NAA16: variants seen among roughly 807,000 people sequenced by gnomAD.
NAA16 encodes NARG1-like protein.
A neutral mutation model predicts 110.3 loss-of-function variants in NAA16; 97 were observed. The observed-to-expected ratio is 0.88, with a 90% CI of 0.75 to 1.04. The LOEUF is 1.04. NAA16 is among the 50% of genes least tolerant of loss of function. NAA16 has a pLI of 0.00. For synonymous variants in NAA16, 372 were observed against 330.6 expected, an observed-to-expected ratio of 1.13 and a Z score of -1.36; for missense variants, 1,017 against 1,005.1, an observed-to-expected ratio of 1.01 and a Z score of -0.16.
At chr13:41,348,819 A>C (rs1038633439) in intron 9 of NAA16, among the ~76,000 whole-genome samples, 1 of 152,104 alleles carries the variant, frequency 6.6e-6, no homozygotes, top group Non-Finnish European at 1.5e-5. Flanking sequence ...TATGTATTCA[A>C]ACTCTTCATT....
At chr13:41,363,114 C>T (rs2043145715) in intron 13 of NAA16, among the ~76,000 whole-genome samples, 2 of 151,892 alleles carry the variant, frequency 1.3e-5, no homozygotes, top group Admixed American at 6.6e-5. Flanking sequence ...GGAAAATCCT[C>T]CTCATCTTCT....
rs760583080 is a variant in NAA16, at chr13:41,311,564, C to T, written c.36C>T (p.Asn12=). 1.1e-5 allele frequency: 17 copies of T among 1,608,630 alleles called. No individual in the cohort carries two copies. The highest frequency in any genetic ancestry group is 8.0e-5 in the African/African-American group (6 of 74,800). ...PNVLLPPKES[N]LFKRILKCYE... ...TGCTGCTGCCGCCCAAGGAGAGCAACCTCTTCAAACGCATCTTGGTGAGTG... is the reference window on the plus strand; with the variant it reads ...TGCTGCTGCCGCCCAAGGAGAGCAATCTCTTCAAACGCATCTTGGTGAGTG... The change falls in exon 1 of 20, where the codon AAC becomes AAT. Residue 12 remains asparagine (N), a synonymous_variant. Transcript: ENST00000379406.
At chr13:41,347,640 G>A (rs1282049319) in intron 9 of NAA16, among the ~76,000 whole-genome samples, 1 of 151,886 alleles carries the variant, frequency 6.6e-6, no homozygotes, top group Non-Finnish European at 1.5e-5. Context: ...TTTCATTTTT[G>A]GATTATTCTT....
At chr13:41,354,550 T>C (rs1038612219) in intron 9 of NAA16, 1 of 152,200 alleles carries the variant, frequency 6.6e-6, no homozygotes, top group African/African-American at 2.4e-5. Context: ...TGAAGAAATA[T>C]TCCTTTTAAA....
intron 9 of NAA16, among the ~76,000 whole-genome samples, chr13:41,353,243 A>C (rs958016073): frequency 6.6e-6 from 1 of 152,198 alleles, no homozygotes; most frequent in Non-Finnish European, 1.5e-5. Flanking sequence ...CTGAAAAAAA[A>C]TTATTTGCCT....
intron 3 of NAA16, among the ~76,000 whole-genome samples, chr13:41,319,157 G>A (rs568477858): frequency 2.0e-5 from 3 of 152,198 alleles, no homozygotes; most frequent in Admixed American, 6.5e-5. Flanking sequence ...ATATTTTAAA[G>A]GAAATCTCTA....
intron 9 of NAA16, among the ~76,000 whole-genome samples, chr13:41,344,132 C>T (rs2139451816): frequency 6.6e-6 from 1 of 152,246 alleles, no homozygotes; most frequent in East Asian, 1.9e-4. Flanking sequence ...ATTTTCTTCT[C>T]ATATTTTCTT....
At chr13:41,343,292 A>G (rs1482678558) in intron 9 of NAA16, among the ~76,000 whole-genome samples, 1 of 151,934 alleles carries the variant, frequency 6.6e-6, no homozygotes, top group African/African-American at 2.4e-5. Flanking sequence ...GTCTTGCTGT[A>G]TTGTTCACGC....
chr13:41,373,865 A>G (rs945509408), intron 18 of NAA16, 85 bp downstream of exon 18: 1 of 1,507,126 alleles, frequency 6.6e-7, no homozygotes, highest in Non-Finnish European at 8.8e-7. Flanking sequence ...TGTAAAGCAA[A>G]TGAACAGTAC....
At chr13:41,312,554 C>T (rs1593386367) in intron 1 of NAA16, among the ~76,000 whole-genome samples, 1 of 151,942 alleles carries the variant, frequency 6.6e-6, no homozygotes, top group East Asian at 1.9e-4. Flanking sequence ...TATCTTTTCA[C>T]CTGAAAAAAA....
At chr13:41,316,975 A>C (rs756694404) in intron 2 of NAA16, 45 bp downstream of exon 2, 2 of 1,311,034 alleles carry the variant, frequency 1.5e-6, no homozygotes, top group Non-Finnish European at 2.2e-6. Flanking sequence ...TCAAATTCTA[A>C]AACCAGGCAT....
intron 9 of NAA16, among the ~76,000 whole-genome samples, chr13:41,351,358 G>C (rs1275264900): frequency 6.6e-6 from 1 of 152,110 alleles, no homozygotes; most frequent in African/African-American, 2.4e-5. Flanking sequence ...GTTTACCTCT[G>C]TAACTAGCCC....
At chr13:41,311,625 TCCTCGGGC>T in intron 1 of NAA16, 43 bp downstream of exon 1, 1 of 1,572,534 alleles carries the variant, frequency 6.4e-7, no homozygotes, top group Non-Finnish European at 8.6e-7. Context: ...GGTCCCCGGG[TCCTCGGGC>T]CTTAAGGGCA....
In NAA16 at chr13:41,328,849, T is replaced by C. The variant is rs1212795924; in HGVS notation, c.811+6T>C. 6.3e-7 allele frequency: 1 copy of C among 1,590,102 alleles called. No individual in the cohort carries two copies. The highest frequency in any genetic ancestry group is 8.6e-7 in the Non-Finnish European group (1 of 1,161,394). On this transcript the variant is annotated splice_donor_region_variant and intron_variant, in intron 7 of 19. Transcript: ENST00000379406. ...GGAAAAAGCTCTACAAATTAGTATG[T>C]AATGATTTTTCTCCTCTTTCTCATA...
At chr13:41,347,224 AAAACAAAAAC>A (rs1488336766) in intron 9 of NAA16, among the ~76,000 whole-genome samples, 1 of 20,070 alleles carries the variant, frequency 5.0e-5, no homozygotes. Flanking sequence ...CAAAAAAAAA[AAAACAAAAAC>A]AAAAACAAAA....
intron 6 of NAA16, among the ~76,000 whole-genome samples, chr13:41,326,302 G>A (rs1457534315): frequency 6.6e-6 from 1 of 152,148 alleles, no homozygotes; most frequent in Non-Finnish European, 1.5e-5. Context: ...AGTTTTAACA[G>A]CATTCATCAA....
chr13:41,352,612 A>T (rs1431014840), intron 9 of NAA16, among the ~76,000 whole-genome samples: 2 of 152,094 alleles, frequency 1.3e-5, no homozygotes. Flanking sequence ...CTGAGATCAC[A>T]CCACTGTACT....
intron 9 of NAA16, among the ~76,000 whole-genome samples, chr13:41,343,999 C>A (rs2042620630): frequency 6.6e-6 from 1 of 152,204 alleles, no homozygotes; most frequent in Non-Finnish European, 1.5e-5. Context: ...TAAGCTTTTA[C>A]TGTGTTGTTA....
chr13:41,353,575 G>C (rs2042898613), intron 9 of NAA16, among the ~76,000 whole-genome samples: 1 of 144,092 alleles, frequency 6.9e-6, no homozygotes. Context: ...GACAAGCCTA[G>C]GCAATGTAGT....
Sources: gnomAD v4.1 joint callset for allele counts (sites outside exome capture counted in the v4.1 genomes callset) on GRCh38, gnomAD v4.1.1 for gene constraint, MANE v1.5 for transcripts, NCBI Gene and HGNC (gene_info 2026-07-23, HGNC 2026-07-21) for gene names.